The following FSIP1 variants were observed in gnomAD, a reference collection of about 807,000 sequenced individuals.
FSIP1 encodes the protein fibrous sheath interacting protein 1, also known as fibrous sheath-interacting protein 1.
A neutral mutation model predicts 60.9 loss-of-function variants in FSIP1; 65 were observed. That is an observed-to-expected ratio of 1.07 (90% confidence interval 0.87 to 1.31). FSIP1 has a LOEUF of 1.31. FSIP1 is among the 40% of genes most tolerant of loss of function. The probability of loss-of-function intolerance (pLI) is 0.00; values close to 1 mark genes in which losing one functional copy is unlikely to be tolerated. For synonymous variants in FSIP1, 209 were observed against 221.2 expected, an observed-to-expected ratio of 0.94 and a Z score of 0.49; for missense variants, 675 against 665.5, an observed-to-expected ratio of 1.01 and a Z score of -0.16.
At chr15:39,612,385 G>T (rs765824796) in intron 11 of FSIP1, among the ~76,000 whole-genome samples, 2 of 152,052 alleles carry the variant, frequency 1.3e-5, no homozygotes, top group Non-Finnish European at 2.9e-5. Context: ...TAAACAACAT[G>T]CTCCTAAACA....
At chr15:39,760,793 G>A (rs1019493430) in intron 5 of FSIP1, among the ~76,000 whole-genome samples, 1 of 152,022 alleles carries the variant, frequency 6.6e-6, no homozygotes, top group Non-Finnish European at 1.5e-5. Context: ...TTTAATTAAT[G>A]GTATTATACC....
chr15:39,630,595 C>A (rs914988284), intron 10 of FSIP1, among the ~76,000 whole-genome samples: 5 of 152,176 alleles, frequency 3.3e-5, no homozygotes, highest in Admixed American at 1.3e-4. Context: ...GTATTTATTC[C>A]ATTTACCTCT....
At position 39,610,452 on chromosome 15, in the gene FSIP1, C is replaced by T. The variant is rs567193103; in HGVS notation, c.1699+7283G>A. Reference sequence around the variant, plus strand: ...ATCCCAGCACTTTGGGAGGTCGAGGCGGGCAGATCACGATGTCAGCCTGGC... The same window carrying T: ...ATCCCAGCACTTTGGGAGGTCGAGGTGGGCAGATCACGATGTCAGCCTGGC... On this transcript the variant is annotated intron_variant, in intron 11 of 11. Coordinates refer to ENST00000350221, the MANE Select transcript of FSIP1 (RefSeq NM_152597.5). 1.1e-4 allele frequency among the ~76,000 whole-genome samples: 16 copies of T among 152,212 alleles called. No homozygotes were observed. The South Asian group carries it at 2.3e-3, about 22-fold the overall frequency.
intron 8 of FSIP1, among the ~76,000 whole-genome samples, chr15:39,733,162 C>G (rs1029350714): frequency 2.6e-5 from 4 of 152,128 alleles, no homozygotes; most frequent in African/African-American, 9.7e-5. Context: ...TGCCAAGTAG[C>G]TGGGATTACA....
At chr15:39,631,985 A>G (rs1239522228) in intron 10 of FSIP1, among the ~76,000 whole-genome samples, 1 of 152,214 alleles carries the variant, frequency 6.6e-6, no homozygotes, top group Non-Finnish European at 1.5e-5. Flanking sequence ...AGCTAGCACA[A>G]GCTCTGGCCT....
chr15:39,707,913 G>A (rs1895342994), intron 10 of FSIP1, among the ~76,000 whole-genome samples: 1 of 152,100 alleles, frequency 6.6e-6, no homozygotes, highest in South Asian at 2.1e-4. Context: ...TTAGAAGACT[G>A]GATGGGCAGA....
chr15:39,765,804 T>C, intron 3 of FSIP1, 58 bp from the exon 4 acceptor site: 4 of 970,582 alleles, frequency 4.1e-6, no homozygotes, highest in Non-Finnish European at 4.5e-6. Context: ...TAAAGTTTTG[T>C]TTTGTTCTTA....
intron 11 of FSIP1, among the ~76,000 whole-genome samples, chr15:39,608,720 C>T (rs11070222): frequency 6.6e-6 from 1 of 151,942 alleles, no homozygotes; most frequent in Non-Finnish European, 1.5e-5. Context: ...GGAAGTTCTA[C>T]TCAGGAAGAT....
chr15:39,746,547 T>C (rs1897000355), intron 5 of FSIP1, among the ~76,000 whole-genome samples: 1 of 152,210 alleles, frequency 6.6e-6, no homozygotes, highest in Admixed American at 6.5e-5. Flanking sequence ...TGTACCTTTT[T>C]GCTCTGTTGG....
chr15:39,650,295 G>C lies in FSIP1; in HGVS notation c.1189-32050C>G, dbSNP rs16969495. On this transcript the variant is annotated intron_variant, in intron 10 of 11. Transcript: ENST00000350221. ...TTACAGTATAATTGCTGAAATCCCA[G>C]GACAATCTTATTTGGGAAATGTTGC... 8.3e-3 allele frequency among the ~76,000 whole-genome samples: 1,267 copies of C among 152,240 alleles called. 90 individuals are homozygous for C. In the East Asian group the frequency reaches 0.18, roughly 21 times the overall value.
At chr15:39,723,891 C>T (rs149860051) in intron 9 of FSIP1, among the ~76,000 whole-genome samples, 3 of 152,308 alleles carry the variant, frequency 2.0e-5, no homozygotes, top group Admixed American at 1.3e-4. Context: ...TGTTAGCATT[C>T]CTGCTTTGAA....
chr15:39,651,294 T>C (rs1892857896), intron 10 of FSIP1, among the ~76,000 whole-genome samples: 1 of 152,238 alleles, frequency 6.6e-6, no homozygotes, highest in Non-Finnish European at 1.5e-5. Context: ...CTGGAAATGA[T>C]GAATGTCAAA....
chr15:39,620,705 T>C (rs879596245), intron 10 of FSIP1, among the ~76,000 whole-genome samples: 4 of 150,752 alleles, frequency 2.7e-5, no homozygotes, highest in African/African-American at 7.3e-5. Context: ...GAGTCTCGTG[T>C]CTCAGCCTCC....
intron 10 of FSIP1, among the ~76,000 whole-genome samples, chr15:39,677,008 G>A (rs1028984492): frequency 3.9e-5 from 6 of 152,158 alleles, no homozygotes; most frequent in Non-Finnish European, 7.4e-5. Flanking sequence ...TGTTCTATTT[G>A]TGAGTGGCAG....
At chr15:39,621,231 T>A (rs566362550) in intron 10 of FSIP1, among the ~76,000 whole-genome samples, 2 of 152,294 alleles carry the variant, frequency 1.3e-5, no homozygotes, top group African/African-American at 4.8e-5. Flanking sequence ...TACAGAAATG[T>A]TTGCTGATTG....
chr15:39,616,546 G>A (rs912218535), intron 11 of FSIP1, among the ~76,000 whole-genome samples: 4 of 152,162 alleles, frequency 2.6e-5, no homozygotes, highest in South Asian at 2.1e-4. Context: ...ACATTTCTGG[G>A]AAGAAGAGGG....
At chr15:39,663,597 C>T (rs1893385909) in intron 10 of FSIP1, among the ~76,000 whole-genome samples, 1 of 151,944 alleles carries the variant, frequency 6.6e-6, no homozygotes, top group African/African-American at 2.4e-5. Flanking sequence ...CATAATACAG[C>T]CTTATAATAT....
chr15:39,674,612 A>G (rs62002435), intron 10 of FSIP1, among the ~76,000 whole-genome samples: 4,251 of 152,226 alleles, frequency 0.028, 77 homozygotes, highest in Middle Eastern at 0.054. Flanking sequence ...TAACTTTAAT[A>G]TATGACAGAG....
At chr15:39,668,735 T>C (rs1475706505) in intron 10 of FSIP1, among the ~76,000 whole-genome samples, 3 of 152,146 alleles carry the variant, frequency 2.0e-5, no homozygotes, top group African/African-American at 7.2e-5. Flanking sequence ...AACCCAGCCT[T>C]TCCTTGCTTG....
Sources: gnomAD v4.1 joint callset for allele counts (sites outside exome capture counted in the v4.1 genomes callset) on GRCh38, gnomAD v4.1.1 for gene constraint, MANE v1.5 for transcripts, NCBI Gene and HGNC (gene_info 2026-07-23, HGNC 2026-07-21) for gene names.